SEC23IP: variants seen among roughly 807,000 people sequenced by gnomAD.
SEC23IP encodes SEC23-interacting protein.
In SEC23IP, 70 loss-of-function variants were observed where a neutral mutation model predicts 113.4. The ratio of observed to expected loss-of-function variants is 0.62; its 90% CI spans 0.51 to 0.75. SEC23IP has a LOEUF of 0.75. Ranked by LOEUF, SEC23IP falls within the 30% of genes least tolerant of loss-of-function variation. The probability of loss-of-function intolerance (pLI) is 0.00; values close to 1 mark genes in which losing one functional copy is unlikely to be tolerated. For synonymous variants in SEC23IP, 398 were observed against 421.0 expected, an observed-to-expected ratio of 0.95 and a Z score of 0.67; for missense variants, 1,160 against 1,204.9, an observed-to-expected ratio of 0.96 and a Z score of 0.55.
chr10:119,902,094 C>T (rs1318920323), intron 2 of SEC23IP, among the ~76,000 whole-genome samples: 1 of 152,194 alleles, frequency 6.6e-6, no homozygotes, highest in Non-Finnish European at 1.5e-5. Flanking sequence ...TGGTGGCTCA[C>T]ACCTGTAATC....
At chr10:119,927,864 G>A (rs1855472706) in intron 13 of SEC23IP, among the ~76,000 whole-genome samples, 1 of 152,148 alleles carries the variant, frequency 6.6e-6, no homozygotes, top group Admixed American at 6.6e-5. Context: ...AGTTAAGTTG[G>A]TAGACATAGG....
chr10:119,923,954 C>T (rs1467437285), intron 12 of SEC23IP, among the ~76,000 whole-genome samples: 2 of 152,222 alleles, frequency 1.3e-5, no homozygotes, highest in Non-Finnish European at 2.9e-5. Flanking sequence ...CCTTAGACAG[C>T]TCTCAGCAAT....
intron 1 of SEC23IP, 151 bp downstream of exon 1, chr10:119,893,096 G>C: frequency 1.2e-6 from 1 of 813,620 alleles, no homozygotes; most frequent in Non-Finnish European, 1.9e-6. Flanking sequence ...TGGGTCGGGG[G>C]CTTTGGGATC....
chr10:119,922,945 G>A (rs1855294940), intron 12 of SEC23IP, among the ~76,000 whole-genome samples: 1 of 151,098 alleles, frequency 6.6e-6, no homozygotes, highest in Non-Finnish European at 1.5e-5. Flanking sequence ...TACAGGCTGC[G>A]TGCTCCATAC....
In SEC23IP at chr10:119,932,123, A is replaced by T; in HGVS notation, c.2573-10A>T. ...CTAATTAACTTGTTGTGTCATCTTAATCTCTTTAGAATTGAAAGAGAGTCT... is the reference window on the plus strand; with the variant it reads ...CTAATTAACTTGTTGTGTCATCTTATTCTCTTTAGAATTGAAAGAGAGTCT... On this transcript the variant is annotated splice_polypyrimidine_tract_variant and intron_variant, in intron 15 of 18. Coordinates refer to ENST00000369075, the MANE Select transcript of SEC23IP (RefSeq NM_007190.4). 1 of 1,580,376 alleles carries T rather than the reference A, an allele frequency of 6.3e-7. No individual in the cohort carries two copies. The highest frequency in any genetic ancestry group is 1.7e-5 in the Admixed American group (1 of 59,210).
intron 1 of SEC23IP, among the ~76,000 whole-genome samples, chr10:119,894,142 T>C (rs1854193611): frequency 6.6e-6 from 1 of 152,232 alleles, no homozygotes; most frequent in Non-Finnish European, 1.5e-5. Context: ...CTAAGTATAG[T>C]GCGTGCCAGA....
In SEC23IP at chr10:119,930,360, T is replaced by C. The variant is rs1855558788; in HGVS notation, c.2501T>C (p.Met834Thr). The C allele has an allele frequency of 2.5e-6, 4 of 1,609,670 alleles. No homozygotes were observed. The highest frequency in any genetic ancestry group is 1.7e-5 in the Admixed American group (1 of 59,942). ...CCAGTGGCATATAGATTAGAACCTATGATTGTTCCAGATTTGGACCTAAAA... is the reference window on the plus strand; with the variant it reads ...CCAGTGGCATATAGATTAGAACCTACGATTGTTCCAGATTTGGACCTAAAA... ...LDPVAYRLEP[M>T]IVPDLDLKAV... The change falls in exon 15 of 19, where the codon ATG (methionine) becomes ACG (threonine). Residue 834 changes from methionine to threonine, a missense_variant. Physicochemically the swap from Met to Thr is moderately conservative, Grantham distance 81. Transcript: ENST00000369075.
rs772361831 is a variant in SEC23IP at position 119,929,779 on chromosome 10, A to G, written c.2469+17A>G. The G allele has an allele frequency of 2.6e-6, 4 of 1,540,396 alleles. No homozygotes were observed. The highest frequency in any genetic ancestry group is 4.0e-5 in the Admixed American group (2 of 50,248). On this transcript the variant is annotated intron_variant, in intron 14 of 18. Coordinates refer to ENST00000369075, the MANE Select transcript of SEC23IP (RefSeq NM_007190.4). ...TATCATCCGGTGAGTAATTGAATTT[A>G]CTTTGTTTTTTAAAATCCTTTTTTC...
intron 7 of SEC23IP, 25 bp downstream of exon 7, chr10:119,914,844 C>T (rs1854995670): frequency 6.3e-7 from 1 of 1,590,432 alleles, no homozygotes. Flanking sequence ...TATTGTATTT[C>T]ATGGGATGAT....
intron 2 of SEC23IP, among the ~76,000 whole-genome samples, chr10:119,901,078 A>G (rs1318575255): frequency 7.4e-6 from 1 of 135,914 alleles, no homozygotes; most frequent in African/African-American, 2.9e-5. Flanking sequence ...TCCAGGGTGG[A>G]GTGCAGTGGT....
At chr10:119,939,869 T>A (rs1278824178) in intron 18 of SEC23IP, among the ~76,000 whole-genome samples, 1 of 151,998 alleles carries the variant, frequency 6.6e-6, no homozygotes, top group African/African-American at 2.4e-5. Context: ...CTAATTTTTT[T>A]ATTTTTTGGT....
chr10:119,901,199 G>A (rs1357392802), intron 2 of SEC23IP, among the ~76,000 whole-genome samples: 6 of 151,736 alleles, frequency 4.0e-5, no homozygotes, highest in Non-Finnish European at 8.8e-5. Flanking sequence ...TGTAGAAACG[G>A]TATTGCTGTG....
intron 1 of SEC23IP, among the ~76,000 whole-genome samples, chr10:119,895,990 C>T (rs529765539): frequency 9.2e-5 from 14 of 152,256 alleles, no homozygotes; most frequent in African/African-American, 2.9e-4. Flanking sequence ...TGAAATTAGA[C>T]GTGTGTTTCA....
chr10:119,937,621 G>A (rs1304997690), intron 18 of SEC23IP, among the ~76,000 whole-genome samples: 6 of 148,980 alleles, frequency 4.0e-5, no homozygotes, highest in South Asian at 2.1e-4. Flanking sequence ...GCGAGACTCC[G>A]TCTAAAAAAA....
intron 8 of SEC23IP, 90 bp downstream of exon 8, chr10:119,915,979 A>C: frequency 8.9e-7 from 1 of 1,119,532 alleles, no homozygotes; most frequent in South Asian, 3.2e-5. Context: ...TTGTAGCTTC[A>C]ATCAATATGT....
At chr10:119,906,102 C>G (rs1442080787) in intron 4 of SEC23IP, among the ~76,000 whole-genome samples, 1 of 151,658 alleles carries the variant, frequency 6.6e-6, no homozygotes, top group Non-Finnish European at 1.5e-5. Context: ...ATGGAAAAAC[C>G]CCGTCTCTAC....
intron 2 of SEC23IP, 83 bp from the exon 3 acceptor site, chr10:119,902,716 C>G (rs1311469116): frequency 9.5e-7 from 1 of 1,053,232 alleles, no homozygotes; most frequent in Non-Finnish European, 1.4e-6. Context: ...GTAGGATAAT[C>G]TACTAACATC....
At chr10:119,933,952 A>G (rs1269691620) in intron 18 of SEC23IP, among the ~76,000 whole-genome samples, 165 bp downstream of exon 18, 1 of 152,192 alleles carries the variant, frequency 6.6e-6, no homozygotes, top group Non-Finnish European at 1.5e-5. Context: ...ATTGGTTTGT[A>G]ATTTACATTT....
chr10:119,903,707 G>A (rs946068878), intron 3 of SEC23IP, among the ~76,000 whole-genome samples: 5 of 152,058 alleles, frequency 3.3e-5, no homozygotes, highest in African/African-American at 9.7e-5. Flanking sequence ...AGTAGTCACC[G>A]TATTCATTAT....
Sources: allele counts gnomAD v4.1 joint callset (sites outside exome capture counted in the v4.1 genomes callset), GRCh38; gene constraint gnomAD v4.1.1; transcripts MANE v1.5; gene names NCBI Gene and HGNC (gene_info 2026-07-23, HGNC 2026-07-21).